The following INPP5D variants were observed in gnomAD, a reference collection of about 807,000 sequenced individuals.
INPP5D encodes the protein phosphatidylinositol 3,4,5-trisphosphate 5-phosphatase 1.
INPP5D carries 33 observed loss-of-function variants against 122.9 expected under a neutral mutation model. The observed-to-expected ratio is 0.27, with a 90% CI of 0.20 to 0.36. INPP5D has a LOEUF of 0.36. Among genes scored for constraint, INPP5D ranks in the 10% least tolerant of loss-of-function variants. The pLI, the probability that INPP5D is intolerant of heterozygous loss-of-function variation, is 1.00. For synonymous variants in INPP5D, 584 were observed against 576.2 expected, an observed-to-expected ratio of 1.01 and a Z score of -0.19; for missense variants, 1,053 against 1,412.7, an observed-to-expected ratio of 0.75 and a Z score of 4.08.
intron 9 of INPP5D, among the ~76,000 whole-genome samples, chr2:233,154,036 C>T (rs1363542877): frequency 1.3e-5 from 2 of 152,358 alleles, no homozygotes; most frequent in South Asian, 4.1e-4. Context: ...AAGCCCTGCT[C>T]GACAGACCCC....
In INPP5D at chr2:233,161,838, C is replaced by T. The variant is rs28476748; in HGVS notation, c.1240+12C>T. 679 of 1,608,614 alleles carry T rather than the reference C, an allele frequency of 4.2e-4. 4 individuals are homozygous for T. In the African/African-American group the frequency reaches 7.0e-3, roughly 17 times the overall value. On this transcript the variant is annotated intron_variant, in intron 11 of 26. Transcript: ENST00000445964. The stretch of plus-strand genomic sequence containing the variant: ...CACCTGGAACATGGGTGGGTCCGCG[C>T]GCCCCCTCCCTGCAGTCACCCCCTC...
intron 21 of INPP5D, among the ~76,000 whole-genome samples, chr2:233,187,829 C>T (rs546664319): frequency 6.6e-6 from 1 of 152,326 alleles, no homozygotes; most frequent in Admixed American, 6.5e-5. Context: ...CCTGCTCCTC[C>T]TCCCTGGCTG....
intron 9 of INPP5D, among the ~76,000 whole-genome samples, chr2:233,150,815 G>A (rs528892326): frequency 6.6e-6 from 1 of 152,276 alleles, no homozygotes; most frequent in East Asian, 1.9e-4. Context: ...TAGCTCTTTT[G>A]GGGAGTGAGG....
At chr2:233,162,853 GT>G (rs1166761897) in intron 11 of INPP5D, among the ~76,000 whole-genome samples, 10 of 152,184 alleles carry the variant, frequency 6.6e-5, no homozygotes, top group Non-Finnish European at 1.2e-4. Flanking sequence ...CCCTTTCAGT[GT>G]TTCTAATAAG....
chr2:233,178,131 C>T (rs1694693397), intron 18 of INPP5D, among the ~76,000 whole-genome samples: 1 of 152,056 alleles, frequency 6.6e-6, no homozygotes. Flanking sequence ...GTTATCAAAA[C>T]AATTAAGAAA....
In INPP5D at chr2:233,145,875, A is replaced by C. The variant is rs1052790699; in HGVS notation, c.754-287A>C. On this transcript the variant is annotated intron_variant, in intron 6 of 26. Coordinates refer to ENST00000445964, the MANE Select transcript of INPP5D (RefSeq NM_001017915.3). Reference sequence around the variant, plus strand: ...GAGGGAGGAAAGGTAACATGCAAGGACAGTCCTCGAGTTTTGTTTAAGCAA... The same window carrying C: ...GAGGGAGGAAAGGTAACATGCAAGGCCAGTCCTCGAGTTTTGTTTAAGCAA... The C allele has an allele frequency of 1.2e-5, 7 of 592,916 alleles. No individual in the cohort carries two copies. In the African/African-American group the frequency reaches 1.3e-4, roughly 11 times the overall value. The allele number at this position is 592,916 out of a possible 1,614,324, so 36.7% of individuals were successfully genotyped here.
chr2:233,193,901 C>T lies in INPP5D; in HGVS notation c.2536C>T (p.His846Tyr). The stretch of plus-strand genomic sequence containing the variant: ...CACCCACCATGGGGAGTTGACAGGC[C>T]ACTTCCAGGGGGAGATCAAGCTGCA... ...PLTHHGELTG[H>Y]FQGEIKLQTS... Residue 846 changes from histidine (H) to tyrosine (Y), a missense_variant, in exon 23 of 27, where the codon CAC becomes TAC. His to Tyr is a moderately conservative substitution (Grantham distance 83). Transcript: ENST00000445964. The T allele has an allele frequency of 2.5e-6, 4 of 1,613,928 alleles. No individual in the cohort carries two copies. The highest frequency in any genetic ancestry group is 3.4e-6 in the Non-Finnish European group (4 of 1,179,868).
chr2:233,131,703 TAAAC>T (rs890090837), intron 5 of INPP5D, among the ~76,000 whole-genome samples: 9 of 152,146 alleles, frequency 5.9e-5, no homozygotes, highest in African/African-American at 1.4e-4. Flanking sequence ...CCGTCTCAAA[TAAAC>T]AAACAAACAA....
At chr2:233,194,179 G>A (rs1025841133) in intron 23 of INPP5D, among the ~76,000 whole-genome samples, 3 of 151,916 alleles carry the variant, frequency 2.0e-5, no homozygotes, top group Admixed American at 6.6e-5. Flanking sequence ...CACCCTCCCC[G>A]ACCCTGTGGA....
intron 5 of INPP5D, 136 bp from the exon 6 acceptor site, chr2:233,139,706 C>T: frequency 2.6e-6 from 1 of 391,372 alleles, no homozygotes; most frequent in Non-Finnish European, 4.5e-6. Flanking sequence ...TTTGCCCGGG[C>T]TTGTCCTTCT....
At position 233,139,869 on chromosome 2, in the gene INPP5D, G is replaced by A; in HGVS notation, c.693G>A (p.Leu231=). 2.5e-6 allele frequency: 1 copy of A among 398,804 alleles called. No individual in the cohort carries two copies. Among genetic ancestry groups the A allele is most frequent in the Non-Finnish European group, 4.4e-6 (1 of 226,256 alleles). The allele number at this position is 398,804 out of a possible 1,614,324, so 24.7% of individuals were successfully genotyped here. ...YGEVIRTLPS[L]ESLQRLFDQQ... is the part of the protein sequence containing the mutation. Reference sequence around the variant, plus strand: ...AAGTCATCCGGACCCTCCCATCCCTGGAGTCTCTGCAGAGGTTATTTGACC... The same window carrying A: ...AAGTCATCCGGACCCTCCCATCCCTAGAGTCTCTGCAGAGGTTATTTGACC... Residue 231 remains leucine, a synonymous_variant, in exon 6 of 27, where the codon CTG becomes CTA. Coordinates refer to ENST00000445964, the MANE Select transcript of INPP5D (RefSeq NM_001017915.3).
At chr2:233,099,429 T>C (rs1337752228) in intron 2 of INPP5D, among the ~76,000 whole-genome samples, 1 of 152,200 alleles carries the variant, frequency 6.6e-6, no homozygotes, top group Non-Finnish European at 1.5e-5. Context: ...TCTGAATTGC[T>C]GATGTGAATG....
Position 233,204,908 on chromosome 2 carries a change from C to A in INPP5D, c.3567+191C>A, listed in dbSNP as rs149419565. The A allele has an allele frequency of 1.4e-4, 137 of 970,966 alleles. No homozygotes were observed. The East Asian group carries it at 4.2e-3, about 30-fold the overall frequency. 60.1% of individuals were successfully genotyped at this position (970,966 alleles called of 1,614,324 possible). On this transcript the variant is annotated intron_variant, in intron 26 of 26. Transcript: ENST00000445964. ...GAACTGCTCCATGAGAAGGGAGAGT[C>A]AGGATTTGAACCCAGGTCTGCCTGT...
intron 2 of INPP5D, among the ~76,000 whole-genome samples, chr2:233,086,253 A>G (rs538896908): frequency 6.4e-4 from 96 of 150,356 alleles, no homozygotes; most frequent in African/African-American, 2.2e-3. Flanking sequence ...ATCTCGGCTC[A>G]CCACAACCTC....
chr2:233,117,451 T>C (rs1476705559), intron 2 of INPP5D, among the ~76,000 whole-genome samples: 2 of 152,056 alleles, frequency 1.3e-5, no homozygotes, highest in Non-Finnish European at 2.9e-5. Context: ...CGCAGCCAGA[T>C]GAGAGGAAAG....
intron 14 of INPP5D, 198 bp downstream of exon 14, chr2:233,169,599 C>T: frequency 1.3e-6 from 1 of 795,014 alleles, no homozygotes; most frequent in South Asian, 2.0e-5. Flanking sequence ...GGAATTTTGT[C>T]TGAAGGTCAG....
At chr2:233,077,746 G>A (rs948036042) in intron 1 of INPP5D, among the ~76,000 whole-genome samples, 1 of 149,972 alleles carries the variant, frequency 6.7e-6, no homozygotes, top group East Asian at 2.0e-4. Flanking sequence ...TGTAATCCCA[G>A]TTACTTGAGA....
At chr2:233,116,075 GAACT>G (rs1017054062) in intron 2 of INPP5D, among the ~76,000 whole-genome samples, 10 of 152,024 alleles carry the variant, frequency 6.6e-5, no homozygotes, top group African/African-American at 2.4e-4. Context: ...TTCACAATCT[GAACT>G]AACTCCTACC....
intron 9 of INPP5D, among the ~76,000 whole-genome samples, chr2:233,153,325 T>C (rs1259708684): frequency 2.6e-5 from 4 of 152,168 alleles, no homozygotes; most frequent in African/African-American, 9.7e-5. Context: ...GTGGGATGCT[T>C]ACTGAGGTGC....
Sources: allele counts gnomAD v4.1 joint callset (sites outside exome capture counted in the v4.1 genomes callset), GRCh38; gene constraint gnomAD v4.1.1; transcripts MANE v1.5; gene names NCBI Gene and HGNC (gene_info 2026-07-23, HGNC 2026-07-21).